FBXL7: variants seen among roughly 807,000 people sequenced by gnomAD.
FBXL7 encodes F-box and leucine rich repeat protein 7, also known as F-box/LRR-repeat protein 7.
A neutral mutation model predicts 38.3 loss-of-function variants in FBXL7; 12 were observed. That is an observed-to-expected ratio of 0.31 (90% CI 0.20 to 0.51). FBXL7 has a LOEUF of 0.51. Ranked by LOEUF, FBXL7 falls within the 20% of genes least tolerant of loss-of-function variation. The pLI, the probability that FBXL7 is intolerant of heterozygous loss-of-function variation, is 0.98. For missense variants in FBXL7, 567 were observed against 676.4 expected, an observed-to-expected ratio of 0.84 and a Z score of 1.79; for synonymous variants, 297 against 300.9, an observed-to-expected ratio of 0.99 and a Z score of 0.13.
intron 2 of FBXL7, among the ~76,000 whole-genome samples, chr5:15,820,119 G>A (rs1260295940): frequency 6.6e-6 from 1 of 152,170 alleles, no homozygotes; most frequent in Non-Finnish European, 1.5e-5. Context: ...ATGAACTCCA[G>A]CCCCTCACAC....
At chr5:15,790,893 G>C (rs1341892326) in intron 2 of FBXL7, among the ~76,000 whole-genome samples, 1 of 152,160 alleles carries the variant, frequency 6.6e-6, no homozygotes, top group East Asian at 1.9e-4. Flanking sequence ...TGGAAGATAA[G>C]ATTAAATAAA....
chr5:15,846,019 G>A (rs1303138801), intron 2 of FBXL7, among the ~76,000 whole-genome samples: 1 of 152,170 alleles, frequency 6.6e-6, no homozygotes, highest in African/African-American at 2.4e-5. Context: ...AAAAGTCAAA[G>A]CCATCTGCCT....
chr5:15,756,467 T>G (rs1023824167), intron 2 of FBXL7, among the ~76,000 whole-genome samples: 3 of 152,208 alleles, frequency 2.0e-5, no homozygotes, highest in African/African-American at 4.8e-5. Context: ...TTCTCCATTT[T>G]CATAATCTAT....
At chr5:15,826,970 T>A in intron 2 of FBXL7, among the ~76,000 whole-genome samples, 1 of 151,664 alleles carries the variant, frequency 6.6e-6, no homozygotes, top group South Asian at 2.1e-4. Context: ...TGGATCTAGC[T>A]ACCTAATGAT....
At chr5:15,848,244 A>G (rs145295611) in intron 2 of FBXL7, among the ~76,000 whole-genome samples, 455 of 152,182 alleles carry the variant, frequency 3.0e-3, no homozygotes, top group Non-Finnish European at 5.2e-3. Flanking sequence ...GATAATTTGG[A>G]AGGCTTTTCT....
chr5:15,753,613 C>T (rs2133761), intron 2 of FBXL7, among the ~76,000 whole-genome samples: 42,963 of 152,020 alleles, frequency 0.28, 6,898 homozygotes, highest in South Asian at 0.38. Flanking sequence ...TGTTTTTCTC[C>T]TTTCAGAACT....
intron 2 of FBXL7, among the ~76,000 whole-genome samples, chr5:15,782,109 G>T (rs984679216): frequency 1.3e-4 from 20 of 152,220 alleles, no homozygotes; most frequent in African/African-American, 4.6e-4. Flanking sequence ...TTGTTAGTTT[G>T]CTGAGAATGA....
intron 1 of FBXL7, among the ~76,000 whole-genome samples, chr5:15,593,449 A>C (rs1244583031): frequency 6.6e-6 from 1 of 152,018 alleles, no homozygotes; most frequent in Non-Finnish European, 1.5e-5. Context: ...GCTTGAACCC[A>C]GGAGGCGGAG....
intron 2 of FBXL7, among the ~76,000 whole-genome samples, chr5:15,771,798 A>G (rs1736734039): frequency 7.1e-6 from 1 of 140,292 alleles, no homozygotes; most frequent in African/African-American, 2.7e-5. Context: ...TTTTTGAGAC[A>G]GAGTTTCGCT....
intron 3 of FBXL7, among the ~76,000 whole-genome samples, chr5:15,930,062 A>C (rs1294677584): frequency 6.6e-6 from 1 of 152,150 alleles, no homozygotes; most frequent in African/African-American, 2.4e-5. Context: ...CTTTTTGCAG[A>C]TTCTTTCCCG....
At chr5:15,820,898 T>A (rs1253159849) in intron 2 of FBXL7, among the ~76,000 whole-genome samples, 1 of 152,162 alleles carries the variant, frequency 6.6e-6, no homozygotes, top group Non-Finnish European at 1.5e-5. Flanking sequence ...TCTGGCTCTG[T>A]CCTTGTCATC....
In FBXL7 at chr5:15,500,699, A is replaced by G. The variant is rs760736366; in HGVS notation, c.23A>G (p.Gln8Arg). The change falls in exon 1 of 4, where the codon CAG (glutamine) becomes CGG (arginine). Residue 8 changes from glutamine (Q) to arginine (R), a missense_variant. Physicochemically the swap from Gln to Arg is conservative, Grantham distance 43 (BLOSUM62 1). Transcript: ENST00000504595. MGANNGKQYGSEGKGSSS... is the reference protein window; with the variant it reads MGANNGKRYGSEGKGSSS... ...AGGATGGGCGCGAACAATGGCAAACAGTACGGCAGTGAGGGTGAGTGGGCC... is the reference window on the plus strand; with the variant it reads ...AGGATGGGCGCGAACAATGGCAAACGGTACGGCAGTGAGGGTGAGTGGGCC... 6.2e-7 allele frequency: 1 copy of G among 1,609,500 alleles called. No homozygotes were observed. The highest frequency in any genetic ancestry group is 1.3e-5 in the African/African-American group (1 of 74,520).
intron 2 of FBXL7, among the ~76,000 whole-genome samples, chr5:15,900,980 A>G (rs1004881461): frequency 1.3e-5 from 2 of 152,260 alleles, no homozygotes; most frequent in Admixed American, 6.5e-5. Flanking sequence ...AAAAGTATCA[A>G]GTAGGAACCT....
chr5:15,654,418 GAA>G (rs200453697), intron 2 of FBXL7, among the ~76,000 whole-genome samples: 2 of 126,410 alleles, frequency 1.6e-5, no homozygotes, highest in Non-Finnish European at 3.4e-5. Context: ...ATAAAAAACT[GAA>G]AAAAAAAAAA....
At chr5:15,852,887 A>G (rs1739141849) in intron 2 of FBXL7, among the ~76,000 whole-genome samples, 1 of 152,218 alleles carries the variant, frequency 6.6e-6, no homozygotes, top group African/African-American at 2.4e-5. Context: ...GGCAATGGTT[A>G]TACAAATAAG....
chr5:15,896,707 G>C (rs1339710523), intron 2 of FBXL7, among the ~76,000 whole-genome samples: 1 of 152,012 alleles, frequency 6.6e-6, no homozygotes, highest in Non-Finnish European at 1.5e-5. Flanking sequence ...CCTATCCCAG[G>C]GCTACTATTT....
chr5:15,873,949 G>A (rs867284661), intron 2 of FBXL7, among the ~76,000 whole-genome samples: 13 of 152,140 alleles, frequency 8.5e-5, no homozygotes, highest in Middle Eastern at 3.4e-3. Context: ...AACAAAACCT[G>A]GCAGAGACAC....
At chr5:15,567,740 TCC>T (rs904228228) in intron 1 of FBXL7, among the ~76,000 whole-genome samples, 1 of 151,498 alleles carries the variant, frequency 6.6e-6, no homozygotes, top group East Asian at 1.9e-4. Context: ...ATGCTATCCC[TCC>T]CCCCTCACCC....
chr5:15,761,491 T>A (rs1406155076), intron 2 of FBXL7, among the ~76,000 whole-genome samples: 1 of 152,228 alleles, frequency 6.6e-6, no homozygotes, highest in East Asian at 1.9e-4. Context: ...CACCTTTATT[T>A]ATTTGCCTTT....
Sources: allele counts gnomAD v4.1 joint callset (sites outside exome capture counted in the v4.1 genomes callset), GRCh38; gene constraint gnomAD v4.1.1; transcripts MANE v1.5; gene names NCBI Gene and HGNC (gene_info 2026-07-23, HGNC 2026-07-21).